The following TNIK variants were observed in gnomAD, a reference collection of about 807,000 sequenced individuals.
TNIK encodes TRAF2 and NCK-interacting protein kinase.
TNIK carries 49 observed loss-of-function variants against 191.3 expected under a neutral mutation model. The ratio of observed to expected loss-of-function variants is 0.26; its 90% CI spans 0.20 to 0.32. The LOEUF (loss-of-function observed/expected upper bound fraction) is 0.32, where lower values mean the gene tolerates loss of function less well. Among genes scored for constraint, TNIK ranks in the 10% least tolerant of loss-of-function variants. The pLI, the probability that TNIK is intolerant of heterozygous loss-of-function variation, is 1.00. For synonymous variants in TNIK, 594 were observed against 600.9 expected (o/e 0.99, Z 0.17); for missense variants, 1,155 against 1,702.3 (o/e 0.68, Z 5.66).
intron 3 of TNIK, 42 bp from the exon 4 acceptor site, chr3:171,211,283 G>C: frequency 1.9e-6 from 3 of 1,562,574 alleles, no homozygotes; most frequent in Non-Finnish European, 2.6e-6. Flanking sequence ...GAAAATCTAT[G>C]GTTGTTAGTA....
In TNIK at chr3:171,140,422, TCTC is replaced by T. The variant is rs756469706; in HGVS notation, c.1306_1308del (p.Glu436del). The T allele has an allele frequency of 9.3e-6, 15 of 1,606,042 alleles. No homozygotes were observed. The highest frequency in any genetic ancestry group is 5.4e-5 in the African/African-American group (4 of 74,512). ...ACCTGTTCATGCTCCGCACGCCTCCTCTCCTCCTCCCGGCGCATCTGCTCCTCA... is the reference window on the plus strand; with the variant it reads ...ACCTGTTCATGCTCCGCACGCCTCCTCTCCTCCCGGCGCATCTGCTCCTCA... On this transcript the variant is annotated inframe_deletion, in exon 13 of 33. Transcript: ENST00000436636.
chr3:171,148,051 T>C (rs1170207445), intron 12 of TNIK, among the ~76,000 whole-genome samples: 1 of 152,166 alleles, frequency 6.6e-6, no homozygotes, highest in Non-Finnish European at 1.5e-5. Context: ...TTGGGAAAGC[T>C]AGACAGGCCA....
intron 18 of TNIK, among the ~76,000 whole-genome samples, chr3:171,113,450 A>C (rs1726171708): frequency 6.6e-6 from 1 of 151,910 alleles, no homozygotes; most frequent in South Asian, 2.1e-4. Flanking sequence ...CTAAAAATAC[A>C]AAAAAATTAG....
chr3:171,439,343 C>CA (rs557225889), intron 1 of TNIK, among the ~76,000 whole-genome samples: 8,100 of 97,344 alleles, frequency 0.083, 799 homozygotes, highest in African/African-American at 0.26. Flanking sequence ...GACTCTGTCT[C>CA]AAAAAAAAAA....
At chr3:171,140,762 AGT>A (rs942559904) in intron 12 of TNIK, among the ~76,000 whole-genome samples, 8 of 152,152 alleles carry the variant, frequency 5.3e-5, no homozygotes, top group African/African-American at 1.9e-4. Context: ...GTTCCTGTTA[AGT>A]GTGTTCTCCC....
intron 7 of TNIK, among the ~76,000 whole-genome samples, chr3:171,180,324 C>G (rs1736491130): frequency 6.6e-6 from 1 of 152,162 alleles, no homozygotes; most frequent in Non-Finnish European, 1.5e-5. Flanking sequence ...GACCTCCCCC[C>G]AGCACTGCTC....
At position 171,259,162 on chromosome 3, in the gene TNIK, G is replaced by A. The variant is rs575831663; in HGVS notation, c.124-30941C>T. ...TATGTGTGTGTGTATATGGCACATA[G>A]TGTGTACTTTATAAATGTTGGGGGA... On this transcript the variant is annotated intron_variant, in intron 2 of 32. Transcript: ENST00000436636. Among the ~76,000 whole-genome samples the A allele has an allele frequency of 1.8e-3, 280 of 152,296 alleles. 2 individuals carry two copies. Among genetic ancestry groups the A allele is most frequent in the African/African-American group, 6.1e-3 (254 of 41,568 alleles).
intron 1 of TNIK, 94 bp downstream of exon 1, chr3:171,459,913 T>TGCCCCAGG: frequency 3.1e-6 from 4 of 1,311,246 alleles, no homozygotes; most frequent in Non-Finnish European, 3.2e-6. Context: ...CCCGCTGCTG[T>TGCCCCAGG]CCCCCTGCCC....
intron 2 of TNIK, among the ~76,000 whole-genome samples, chr3:171,357,943 T>C (rs1714380374): frequency 6.6e-6 from 1 of 152,024 alleles, no homozygotes; most frequent in South Asian, 2.1e-4. Flanking sequence ...TGACTGGGGA[T>C]GTAGAACTGT....
Position 171,312,141 on chromosome 3 carries a change from AG to A in TNIK, c.123+57478del, listed in dbSNP as rs1328733045. On this transcript the variant is annotated intron_variant, in intron 2 of 32. Transcript: ENST00000436636. The stretch of plus-strand genomic sequence containing the variant: ...AAAAAAAAAAAAAAAAAAAAAAAAA[AG>A]GGCTAGACTGGCATATCTGATTTTA... Among the ~76,000 whole-genome samples the A allele has an allele frequency of 2.9e-3, 335 of 113,864 alleles. 128 individuals are homozygous for A. The highest frequency in any genetic ancestry group is 6.0e-3 in the South Asian group (22 of 3,656). The allele number at this position is 113,864 out of a possible 152,430, so 74.7% of individuals were successfully genotyped here.
chr3:171,213,584 A>G (rs921350067), intron 3 of TNIK, among the ~76,000 whole-genome samples: 2 of 152,176 alleles, frequency 1.3e-5, no homozygotes. Flanking sequence ...AGAGCTTATA[A>G]AACAGTTAAA....
intron 2 of TNIK, among the ~76,000 whole-genome samples, chr3:171,353,439 C>T (rs528208977): frequency 1.6e-4 from 24 of 152,082 alleles, no homozygotes; most frequent in African/African-American, 2.4e-5. Flanking sequence ...AGCCTGCTAC[C>T]GAGCCTTTCC....
chr3:171,306,331 T>C (rs1753448170), intron 2 of TNIK, among the ~76,000 whole-genome samples: 1 of 152,152 alleles, frequency 6.6e-6, no homozygotes, highest in Admixed American at 6.5e-5. Context: ...TTTACCTATG[T>C]AACAAACCTG....
chr3:171,248,648 T>C (rs1352634233), intron 2 of TNIK, among the ~76,000 whole-genome samples: 2 of 152,136 alleles, frequency 1.3e-5, no homozygotes, highest in East Asian at 1.9e-4. Flanking sequence ...TGGTCTAAGA[T>C]TGGGATGCTG....
intron 2 of TNIK, among the ~76,000 whole-genome samples, chr3:171,368,703 A>G (rs934099660): frequency 1.3e-5 from 2 of 152,316 alleles, no homozygotes; most frequent in South Asian, 2.1e-4. Flanking sequence ...AATGATTTCT[A>G]TAATAAATTT....
chr3:171,331,235 C>G (rs970442354), intron 2 of TNIK, among the ~76,000 whole-genome samples: 5 of 152,212 alleles, frequency 3.3e-5, no homozygotes, highest in African/African-American at 1.2e-4. Context: ...AATTCAAAAA[C>G]AGGCCACTTT....
intron 2 of TNIK, among the ~76,000 whole-genome samples, chr3:171,290,653 C>T (rs561311938): frequency 6.8e-4 from 104 of 152,294 alleles, no homozygotes; most frequent in African/African-American, 2.5e-3. Context: ...AGAATCTTAT[C>T]TTTAAGAAAA....
At chr3:171,073,484 C>G (rs936857694) in intron 28 of TNIK, among the ~76,000 whole-genome samples, 1 of 151,984 alleles carries the variant, frequency 6.6e-6, no homozygotes, top group Admixed American at 6.5e-5. Context: ...TGACTAACAC[C>G]TCAAAAGCAA....
intron 26 of TNIK, chr3:171,082,664 GC>G (rs1720845050): frequency 2.9e-6 from 1 of 350,222 alleles, no homozygotes; most frequent in Non-Finnish European, 5.1e-6. Context: ...GTCAATAGGA[GC>G]CTTAGGCACA....
Sources: gnomAD v4.1 joint callset for allele counts (sites outside exome capture counted in the v4.1 genomes callset) on GRCh38, gnomAD v4.1.1 for gene constraint, MANE v1.5 for transcripts, NCBI Gene and HGNC (gene_info 2026-07-23, HGNC 2026-07-21) for gene names.